The following MAST4 variants were observed in gnomAD, a reference collection of about 807,000 sequenced individuals.
The protein encoded by MAST4 is microtubule associated serine/threonine kinase family member 4, also known as microtubule-associated serine/threonine-protein kinase 4.
Under a neutral mutation model 162.7 loss-of-function variants are expected in MAST4, and 89 were observed. That is an observed-to-expected ratio of 0.55 (90% CI 0.46 to 0.65). The LOEUF (loss-of-function observed/expected upper bound fraction) is 0.65, where lower values mean the gene tolerates loss of function less well. Among genes scored for constraint, MAST4 ranks in the 30% least tolerant of loss-of-function variants. MAST4 has a pLI of 0.00. For missense variants in MAST4, 3,153 were observed against 3,374.0 expected (o/e 0.93, Z 1.62); for synonymous variants, 1,479 against 1,361.1 (o/e 1.09, Z -1.91).
At chr5:66,691,910 TAA>T (rs1419749386) in intron 1 of MAST4, among the ~76,000 whole-genome samples, 1 of 152,060 alleles carries the variant, frequency 6.6e-6, no homozygotes, top group Non-Finnish European at 1.5e-5. Context: ...TGTCCTAGGC[TAA>T]GAGTTTATTA....
At chr5:66,819,517 G>A (rs2149729423) in intron 3 of MAST4, among the ~76,000 whole-genome samples, 1 of 152,240 alleles carries the variant, frequency 6.6e-6, no homozygotes, top group Admixed American at 6.5e-5. Context: ...GTGTTGTAAT[G>A]CCTGTCAATA....
chr5:66,725,815 A>T (rs950847814), intron 1 of MAST4, among the ~76,000 whole-genome samples: 1 of 152,178 alleles, frequency 6.6e-6, no homozygotes, highest in African/African-American at 2.4e-5. Context: ...AGGCACTATG[A>T]TATGTGCCAG....
At chr5:66,608,986 C>T (rs1161879437) in intron 1 of MAST4, among the ~76,000 whole-genome samples, 2 of 151,524 alleles carry the variant, frequency 1.3e-5, no homozygotes, top group Admixed American at 1.3e-4. Flanking sequence ...TAGATGGAAT[C>T]ACAAAGGATG....
chr5:67,076,218 T>C (rs1761625949), intron 5 of MAST4, among the ~76,000 whole-genome samples: 1 of 152,252 alleles, frequency 6.6e-6, no homozygotes, highest in South Asian at 2.1e-4. Context: ...TCTGTTCTTG[T>C]TGGCTCCTTT....
chr5:66,733,913 A>C (rs1473425625), intron 1 of MAST4, among the ~76,000 whole-genome samples: 1 of 152,232 alleles, frequency 6.6e-6, no homozygotes, highest in East Asian at 1.9e-4. Context: ...TTGCAGTTAA[A>C]TAATTTTGAA....
chr5:66,930,172 C>T (rs1329652799), intron 4 of MAST4, among the ~76,000 whole-genome samples: 3 of 152,148 alleles, frequency 2.0e-5, no homozygotes, highest in East Asian at 1.9e-4. Flanking sequence ...CAGGAAGAGA[C>T]GACTGAAACT....
rs563131632 is a variant in MAST4 at position 67,168,557 on chromosome 5, T to C, written c.*1506T>C. On this transcript the variant is annotated 3_prime_UTR_variant, in exon 29 of 29. Coordinates refer to ENST00000403625, the MANE Select transcript of MAST4 (RefSeq NM_001164664.2). ...TTCTTTGGTGGCTTGTTTTGTATTG[T>C]AAGATGGCACTTGCTGATATAAATA... 15 of 152,352 alleles carry C rather than the reference T, an allele frequency of 9.8e-5. No homozygotes were observed. The highest frequency in any genetic ancestry group is 3.6e-4 in the African/African-American group (15 of 41,590). 9.4% of individuals were successfully genotyped at this position (152,352 alleles called of 1,614,324 possible). A position where few individuals can be genotyped will look rare whatever the true frequency, so the allele number is the denominator to read the frequency against.
rs1052261891 is a variant in MAST4, at chr5:66,711,984, T to G, written c.364-47725T>G. On this transcript the variant is annotated intron_variant, in intron 1 of 28. Transcript: ENST00000403625. ...CGTTCACCAGTTCAGGAGATTAGGA[T>G]GTAGATATTTAGGGGGGCCATTTTT... Among the ~76,000 whole-genome samples, 3 of 152,194 alleles carry G rather than the reference T, an allele frequency of 2.0e-5. No homozygotes were observed. In the South Asian group the frequency reaches 6.2e-4, roughly 32 times the overall value.
At chr5:66,628,408 T>C (rs746033580) in intron 1 of MAST4, among the ~76,000 whole-genome samples, 49 of 150,552 alleles carry the variant, frequency 3.3e-4, no homozygotes, top group South Asian at 1.3e-3. Flanking sequence ...ATCAAAGATG[T>C]AGGGGGAAAA....
At chr5:66,666,682 G>A (rs897893603) in intron 1 of MAST4, among the ~76,000 whole-genome samples, 6 of 152,168 alleles carry the variant, frequency 3.9e-5, no homozygotes, top group African/African-American at 9.6e-5. Context: ...TCCATAAAAT[G>A]TGTAAGCCCA....
intron 2 of MAST4, 63 bp from the exon 3 acceptor site, chr5:66,788,607 C>CCCAACAAAAAAA: frequency 1.5e-6 from 2 of 1,373,718 alleles, no homozygotes; most frequent in Non-Finnish European, 1.0e-6. Context: ...CCCCCACCCC[C>CCCAACAAAAAAA]ATTGCAATAA....
At chr5:66,815,331 T>C (rs890313633) in intron 3 of MAST4, among the ~76,000 whole-genome samples, 2 of 152,242 alleles carry the variant, frequency 1.3e-5, no homozygotes, top group African/African-American at 4.8e-5. Flanking sequence ...TGACTTTCTG[T>C]GGTTTAAATG....
chr5:66,619,271 A>G (rs1255562653), intron 1 of MAST4, among the ~76,000 whole-genome samples: 1 of 152,178 alleles, frequency 6.6e-6, no homozygotes, highest in African/African-American at 2.4e-5. Flanking sequence ...TGGGTACCAA[A>G]TTATGCTGTG....
chr5:67,153,651 G>A, intron 26 of MAST4, 71 bp downstream of exon 26: 1 of 1,400,352 alleles, frequency 7.1e-7, no homozygotes, highest in Non-Finnish European at 9.5e-7. Context: ...CCAGGAGATT[G>A]ATTTCCCTGT....
At chr5:66,974,948 G>A (rs1306050165) in intron 4 of MAST4, among the ~76,000 whole-genome samples, 1 of 152,158 alleles carries the variant, frequency 6.6e-6, no homozygotes, top group Non-Finnish European at 1.5e-5. Context: ...TGGCCCCAAA[G>A]ATATCAGGTT....
intron 3 of MAST4, among the ~76,000 whole-genome samples, chr5:66,809,053 T>C (rs1032809919): frequency 6.6e-6 from 1 of 152,228 alleles, no homozygotes. Flanking sequence ...GGATCATTCC[T>C]AACTGTTGAT....
intron 27 of MAST4, 90 bp from the exon 28 acceptor site, chr5:67,162,517 C>G (rs371052188): frequency 8.5e-7 from 1 of 1,179,922 alleles, no homozygotes; most frequent in African/African-American, 1.5e-5. Context: ...GTCCCTCACA[C>G]GGAGTTATTG....
At chr5:66,876,557 C>T (rs1761313219) in intron 3 of MAST4, among the ~76,000 whole-genome samples, 1 of 152,078 alleles carries the variant, frequency 6.6e-6, no homozygotes, top group South Asian at 2.1e-4. Context: ...AATCTTGTAT[C>T]AGTACAATGG....
At chr5:66,699,096 A>T (rs563548210) in intron 1 of MAST4, among the ~76,000 whole-genome samples, 130 of 152,294 alleles carry the variant, frequency 8.5e-4, no homozygotes, top group African/African-American at 3.0e-3. Flanking sequence ...TATGTGATCC[A>T]GTCCCCATCT....
Sources: allele counts gnomAD v4.1 joint callset (sites outside exome capture counted in the v4.1 genomes callset), GRCh38; gene constraint gnomAD v4.1.1; transcripts MANE v1.5; gene names NCBI Gene and HGNC (gene_info 2026-07-23, HGNC 2026-07-21).